Variants in POLR2F observed in about 807,000 individuals in gnomAD.
The protein encoded by POLR2F is RNA polymerase II, I and III subunit F.
Under a neutral mutation model 22.7 loss-of-function variants are expected in POLR2F, and 12 were observed. The observed-to-expected ratio is 0.53, with a 90% CI of 0.34 to 0.86. The LOEUF (loss-of-function observed/expected upper bound fraction) is 0.86. Ranked by LOEUF, POLR2F falls within the 40% of genes least tolerant of loss-of-function variation. The pLI is 0.02. For missense variants in POLR2F, 126 were observed against 171.5 expected, an observed-to-expected ratio of 0.73 and a Z score of 1.48; for synonymous variants, 57 against 66.0, an observed-to-expected ratio of 0.86 and a Z score of 0.66.
At chr22:37,985,435 CCCTCCCCTTTTCTTT>C (rs1445844821), upstream of POLR2F, among the ~76,000 whole-genome samples, 7 of 152,096 alleles carry the variant, frequency 4.6e-5, no homozygotes, top group East Asian at 1.2e-3. Flanking sequence ...ACCTCTCCCT[CCCTCCCCTTTTCTTT>C]CCTGCCCATC....
intron 5 of POLR2F, chr22:38,040,976 C>G: frequency 1.3e-6 from 2 of 1,592,960 alleles, no homozygotes; most frequent in South Asian, 2.2e-5. Context: ...TGACGTTGAT[C>G]AAAGGCTGAA....
intron 1 of POLR2F, among the ~76,000 whole-genome samples, chr22:37,998,139 G>A (rs1477628569): frequency 1.3e-5 from 2 of 152,184 alleles, no homozygotes. Flanking sequence ...CATTGTCTAA[G>A]CCTTTCCTTC....
intron 1 of POLR2F, among the ~76,000 whole-genome samples, chr22:37,995,027 C>T (rs951345243): frequency 6.6e-5 from 10 of 152,182 alleles, no homozygotes; most frequent in African/African-American, 2.4e-4. Context: ...GTTGAAATCG[C>T]AGTGACTGCT....
chr22:37,986,094 A>C (rs1182712048), upstream of POLR2F: 2 of 1,459,326 alleles, frequency 1.4e-6, no homozygotes, highest in African/African-American at 2.8e-5. This position sits in a 1 kb window ranked among gnomAD's most constrained non-coding sequence, Gnocchi z 4.7. Context: ...CTTTGTTCGA[A>C]ATACAGGTGA....
At chr22:38,029,944 T>G (rs945885463), downstream of POLR2F, among the ~76,000 whole-genome samples, 4 of 151,932 alleles carry the variant, frequency 2.6e-5, no homozygotes, top group African/African-American at 9.7e-5. Flanking sequence ...AGAGGCAGAG[T>G]TAGGGGAAAG....
At chr22:37,982,786 G>A (rs928010197), upstream of POLR2F, among the ~76,000 whole-genome samples, 3 of 152,130 alleles carry the variant, frequency 2.0e-5, no homozygotes, top group East Asian at 1.9e-4. Context: ...GGAGGGTGGC[G>A]TCAGAAAGTC....
intron 1 of POLR2F, among the ~76,000 whole-genome samples, chr22:38,021,604 G>A (rs941994380): frequency 1.2e-4 from 18 of 152,126 alleles, no homozygotes; most frequent in Non-Finnish European, 2.5e-4. Flanking sequence ...TTACAGGCAC[G>A]CGCCACCATG....
At chr22:37,973,930 A>G (rs1345779248), downstream of POLR2F, 3 of 1,610,420 alleles carry the variant, frequency 1.9e-6, no homozygotes, top group Admixed American at 3.3e-5. Context: ...CGGCCAGGGC[A>G]CTGCCCAGCC....
upstream of POLR2F, chr22:37,983,914 G>A: frequency 1.4e-6 from 1 of 737,812 alleles, no homozygotes; most frequent in Non-Finnish European, 1.9e-6. The surrounding 1 kb of genome is among the most constrained non-coding windows in gnomAD (Gnocchi z 9.5). Context: ...GCGCAGCCCC[G>A]AGGGCGGCCC....
chr22:37,995,955 C>T (rs373272332), intron 1 of POLR2F, among the ~76,000 whole-genome samples: 3 of 152,208 alleles, frequency 2.0e-5, no homozygotes, highest in Admixed American at 6.5e-5. Context: ...GAGTCATGAT[C>T]GTGGCACTGC....
At chr22:37,973,636 G>A (rs1258883827), downstream of POLR2F, 2 of 1,613,698 alleles carry the variant, frequency 1.2e-6, no homozygotes, top group South Asian at 1.1e-5. Flanking sequence ...CCGAGTAGAG[G>A]CCAGAGGCCT....
chr22:37,991,002 T>C (rs896994521), intron 1 of POLR2F, among the ~76,000 whole-genome samples: 2 of 152,168 alleles, frequency 1.3e-5, no homozygotes, highest in Non-Finnish European at 2.9e-5. Flanking sequence ...GATGTAAGGG[T>C]GGGACGTGGT....
chr22:37,953,680 T>G (rs1008037268), upstream of POLR2F: 3 of 1,376,690 alleles, frequency 2.2e-6, no homozygotes, highest in African/African-American at 1.4e-5. Context: ...TCCTCTGGGT[T>G]ACGGCGCAGG....
chr22:37,979,729 G>A (rs1932337579), intron 4 of POLR2F, among the ~76,000 whole-genome samples: 1 of 152,122 alleles, frequency 6.6e-6, no homozygotes, highest in South Asian at 2.1e-4. Context: ...GAGGGTGGAG[G>A]GCATTTAGGG....
intron 3 of POLR2F, among the ~76,000 whole-genome samples, chr22:37,965,561 C>G (rs542376948): frequency 3.3e-5 from 5 of 152,328 alleles, no homozygotes; most frequent in Admixed American, 1.3e-4. Flanking sequence ...ACATGCAGAT[C>G]AGGTATTTTG....
chr22:37,962,490 T>A (rs1380401738), intron 3 of POLR2F, among the ~76,000 whole-genome samples: 2 of 152,174 alleles, frequency 1.3e-5, no homozygotes, highest in Non-Finnish European at 2.9e-5. Flanking sequence ...TTGCACTCCT[T>A]GCTCTTATGC....
chr22:37,992,082 C>T (rs1382645202), intron 1 of POLR2F, among the ~76,000 whole-genome samples: 1 of 152,184 alleles, frequency 6.6e-6, no homozygotes, highest in Non-Finnish European at 1.5e-5. Flanking sequence ...GTGATCCTTC[C>T]ACCTCACCCT....
At chr22:38,012,182 A>C (rs2084876939) in intron 1 of POLR2F, among the ~76,000 whole-genome samples, 1 of 151,660 alleles carries the variant, frequency 6.6e-6, no homozygotes, top group African/African-American at 2.4e-5. Context: ...CCTGGGTTCA[A>C]GCGATTCTTG....
chr22:38,023,453 G>T (rs2084978253), intron 1 of POLR2F, among the ~76,000 whole-genome samples: 1 of 151,806 alleles, frequency 6.6e-6, no homozygotes, highest in Non-Finnish European at 1.5e-5. Context: ...ATAAGTTTGT[G>T]TGTGTGGTAA....
Sources: gnomAD v4.1 joint callset for allele counts (sites outside exome capture counted in the v4.1 genomes callset) on GRCh38, gnomAD v4.1.1 for gene constraint, Gnocchi (gnomAD v3.1) non-coding constraint, MANE v1.5 for transcripts, NCBI Gene and HGNC (gene_info 2026-07-23, HGNC 2026-07-21) for gene names.